The following USP54 variants were observed in gnomAD, a reference collection of about 807,000 sequenced individuals.
The protein encoded by USP54 is ubiquitin carboxyl-terminal hydrolase 54.
A neutral mutation model predicts 170.5 loss-of-function variants in USP54; 87 were observed. That is an observed-to-expected ratio of 0.51 (90% CI 0.43 to 0.61). USP54 has a LOEUF of 0.61. USP54 is among the 20% of genes least tolerant of loss of function. USP54 has a pLI of 0.00. For synonymous variants in USP54, 655 were observed against 742.8 expected, an observed-to-expected ratio of 0.88 and a Z score of 1.92; for missense variants, 1,786 against 2,047.8, an observed-to-expected ratio of 0.87 and a Z score of 2.47.
At chr10:73,538,169 C>A (rs376048602) in intron 10 of USP54, 37 of 151,720 alleles carry the variant, frequency 2.4e-4, no homozygotes, top group Non-Finnish European at 1.3e-4. Flanking sequence ...CGCGCCCCTA[C>A]ACCCCAACCT....
intron 1 of USP54, among the ~76,000 whole-genome samples, chr10:73,624,159 C>CACATAT (rs1491216095): frequency 1.4e-5 from 1 of 69,872 alleles, no homozygotes; most frequent in Non-Finnish European, 2.6e-5. Context: ...TTTTAAAAGC[C>CACATAT]ATATATATAT....
chr10:73,525,340 T>C (rs1419281249), intron 16 of USP54, among the ~76,000 whole-genome samples: 2 of 152,210 alleles, frequency 1.3e-5, no homozygotes, highest in Non-Finnish European at 2.9e-5. Context: ...CTTAATAAAA[T>C]GGTTAGATCA....
At chr10:73,520,650 TAAG>T (rs1280011498) in intron 18 of USP54, among the ~76,000 whole-genome samples, 1 of 152,180 alleles carries the variant, frequency 6.6e-6, no homozygotes, top group Non-Finnish European at 1.5e-5. Flanking sequence ...TATCCTGAAA[TAAG>T]AAGGTAGGCA....
chr10:73,605,833 G>A (rs2079573118), intron 1 of USP54, among the ~76,000 whole-genome samples: 1 of 152,072 alleles, frequency 6.6e-6, no homozygotes, highest in African/African-American at 2.4e-5. Context: ...GCACTTTGGG[G>A]AAGGAGGAAT....
intron 1 of USP54, among the ~76,000 whole-genome samples, chr10:73,623,023 G>A (rs2081215378): frequency 2.6e-5 from 4 of 151,896 alleles, no homozygotes; most frequent in South Asian, 2.1e-4. Context: ...TCTCTTCTGA[G>A]AAACTTACTA....
At chr10:73,577,527 A>G (rs1272251617) in intron 1 of USP54, among the ~76,000 whole-genome samples, 1 of 152,142 alleles carries the variant, frequency 6.6e-6, no homozygotes, top group Admixed American at 6.6e-5. Flanking sequence ...ATGAAATGAA[A>G]TAGTAGCTAC....
intron 1 of USP54, among the ~76,000 whole-genome samples, chr10:73,605,851 T>C (rs905539438): frequency 2.0e-5 from 3 of 150,802 alleles, no homozygotes; most frequent in Non-Finnish European, 3.0e-5. Context: ...AATCGGGGGG[T>C]GTTTAATGGA....
chr10:73,517,623 A>G lies in USP54; in HGVS notation c.2803T>C (p.Ser935Pro), dbSNP rs767678104. The G allele has an allele frequency of 1.2e-6, 2 of 1,614,224 alleles. No homozygotes were observed. Among genetic ancestry groups the G allele is most frequent in the Non-Finnish European group, 1.7e-6 (2 of 1,180,048 alleles). ...SPASCHESHS[S>P]LSPESSAPQH... ...GGGGCAGATGACTCTGGAGATAGTG[A>G]TGAGTGTGACTCATGGCAGGAAGCA... The change falls in exon 20 of 24, where the codon TCA (serine) becomes CCA (proline). Residue 935 changes from serine (S) to proline (P), a missense_variant. By Grantham distance (74) the Ser-to-Pro change is moderately conservative. Coordinates refer to ENST00000687698, the MANE Select transcript of USP54 (RefSeq NM_001391956.1).
At chr10:73,548,647 T>C (rs1052751368) in intron 4 of USP54, among the ~76,000 whole-genome samples, 23 of 152,174 alleles carry the variant, frequency 1.5e-4, no homozygotes, top group African/African-American at 5.5e-4. Context: ...CCAAACACCG[T>C]ATGTTCTCAC....
At chr10:73,537,330 CAA>C (rs1209819351) in intron 10 of USP54, among the ~76,000 whole-genome samples, 2 of 152,038 alleles carry the variant, frequency 1.3e-5, no homozygotes, top group Admixed American at 1.3e-4. Context: ...GCAAAAGAGA[CAA>C]AGAAAAGAAT....
At chr10:73,619,034 G>A (rs2080878382) in intron 1 of USP54, among the ~76,000 whole-genome samples, 1 of 149,970 alleles carries the variant, frequency 6.7e-6, no homozygotes, top group Admixed American at 6.6e-5. Flanking sequence ...CCAACGTGGT[G>A]AAACCCTGTC....
At position 73,505,440 on chromosome 10, in the gene USP54, CACAAAT is replaced by C. The variant is rs767779921; in HGVS notation, c.4052-20_4052-15del. 3.4e-5 allele frequency: 55 copies of C among 1,611,422 alleles called. No homozygotes were observed. Among genetic ancestry groups the C allele is most frequent in the Non-Finnish European group, 4.3e-5 (51 of 1,178,200 alleles). On this transcript the variant is annotated splice_polypyrimidine_tract_variant and intron_variant, in intron 20 of 23. Coordinates refer to ENST00000687698, the MANE Select transcript of USP54 (RefSeq NM_001391956.1). Reference sequence around the variant, plus strand: ...CATCTGCAGAGCCTGAAGAGGAAAACACAAATACAAGTTGAGGCCATCTCTTCCCCT... The same window carrying C: ...CATCTGCAGAGCCTGAAGAGGAAAACACAAGTTGAGGCCATCTCTTCCCCT...
intron 1 of USP54, among the ~76,000 whole-genome samples, chr10:73,602,763 G>C (rs569418670): frequency 1.3e-5 from 2 of 149,404 alleles, no homozygotes; most frequent in Non-Finnish European, 2.9e-5. Flanking sequence ...GACTGAGACA[G>C]GAGAACTGCT....
chr10:73,557,630 C>T (rs888549400), intron 4 of USP54, among the ~76,000 whole-genome samples: 25 of 151,634 alleles, frequency 1.6e-4, no homozygotes, highest in Non-Finnish European at 2.8e-4. Context: ...GGACTACAGG[C>T]GCATGCCACC....
chr10:73,608,432 C>T (rs1172371158), intron 1 of USP54, among the ~76,000 whole-genome samples: 1 of 152,130 alleles, frequency 6.6e-6, no homozygotes, highest in Non-Finnish European at 1.5e-5. Flanking sequence ...CAATCACTAT[C>T]TTTTAAAACT....
chr10:73,502,033 T>C (rs1263069475), intron 22 of USP54, among the ~76,000 whole-genome samples: 1 of 152,218 alleles, frequency 6.6e-6, no homozygotes, highest in Non-Finnish European at 1.5e-5. Flanking sequence ...TTTATTGTCT[T>C]CTCCCCTATT....
At chr10:73,607,317 G>A (rs1335229261) in intron 1 of USP54, among the ~76,000 whole-genome samples, 1 of 104,488 alleles carries the variant, frequency 9.6e-6, no homozygotes, top group Middle Eastern at 4.7e-3. Flanking sequence ...CCTAGAGTTT[G>A]CTTAAAAAAA....
intron 17 of USP54, among the ~76,000 whole-genome samples, chr10:73,521,389 G>T (rs1481132514): frequency 6.6e-6 from 1 of 152,180 alleles, no homozygotes; most frequent in Admixed American, 6.5e-5. Context: ...AATAGCAGAA[G>T]GTTAGGTTCT....
At chr10:73,512,479 A>C (rs761131194) in intron 20 of USP54, among the ~76,000 whole-genome samples, 15 of 151,076 alleles carry the variant, frequency 9.9e-5, no homozygotes, top group Admixed American at 1.3e-4. Flanking sequence ...TAAACCAAGG[A>C]CTCTAACAAA....
Sources: allele counts gnomAD v4.1 joint callset (sites outside exome capture counted in the v4.1 genomes callset), GRCh38; gene constraint gnomAD v4.1.1; transcripts MANE v1.5; gene names NCBI Gene and HGNC (gene_info 2026-07-23, HGNC 2026-07-21).